SH3RF1: variants seen among roughly 807,000 people sequenced by gnomAD.
The protein encoded by SH3RF1 is SH3 domain containing ring finger 1.
In SH3RF1, 32 loss-of-function variants were observed where a neutral mutation model predicts 74.0. The ratio of observed to expected loss-of-function variants is 0.43; its 90% CI spans 0.33 to 0.58. The LOEUF is 0.58. SH3RF1 is among the 20% of genes least tolerant of loss of function. The pLI is 0.05. For missense variants in SH3RF1, 954 were observed against 1,130.9 expected (o/e 0.84, Z 2.24); for synonymous variants, 396 against 439.6 (o/e 0.90, Z 1.24).
At chr4:169,174,601 A>G (rs1734387984) in intron 2 of SH3RF1, among the ~76,000 whole-genome samples, 1 of 152,082 alleles carries the variant, frequency 6.6e-6, no homozygotes, top group Non-Finnish European at 1.5e-5. Flanking sequence ...ATCTTCTGAC[A>G]TTTGCTCTTT....
At chr4:169,222,834 AC>A (rs1314534914) in intron 2 of SH3RF1, among the ~76,000 whole-genome samples, 1 of 152,150 alleles carries the variant, frequency 6.6e-6, no homozygotes, top group Non-Finnish European at 1.5e-5. Context: ...TCCCAACGAC[AC>A]TTCCAATACA....
At chr4:169,192,729 CA>C (rs1319767751) in intron 2 of SH3RF1, among the ~76,000 whole-genome samples, 1 of 151,162 alleles carries the variant, frequency 6.6e-6, no homozygotes, top group Non-Finnish European at 1.5e-5. Context: ...AACGTGAAAC[CA>C]ACCCAAATAG....
At chr4:169,263,599 G>C (rs990772598) in intron 2 of SH3RF1, among the ~76,000 whole-genome samples, 1 of 152,064 alleles carries the variant, frequency 6.6e-6, no homozygotes, top group Non-Finnish European at 1.5e-5. Flanking sequence ...TTCTGCCAAT[G>C]CCATTCCTTG....
At chr4:169,233,487 A>G (rs1211405520) in intron 2 of SH3RF1, among the ~76,000 whole-genome samples, 1 of 152,194 alleles carries the variant, frequency 6.6e-6, no homozygotes, top group Non-Finnish European at 1.5e-5. Flanking sequence ...TGTTTATTGA[A>G]GGCTTATCAC....
rs141406554 is a variant in SH3RF1, at chr4:169,233,124, C to T, written c.393+35696G>A. ...ATCAGCCAGGCGTGGTGGCAGGCACCTCTAATTCCAGCTACTCAGGGGGCT... is the reference window on the plus strand; with the variant it reads ...ATCAGCCAGGCGTGGTGGCAGGCACTTCTAATTCCAGCTACTCAGGGGGCT... On this transcript the variant is annotated intron_variant, in intron 2 of 11. Transcript: ENST00000284637. 3.3e-5 allele frequency among the ~76,000 whole-genome samples: 5 copies of T among 152,040 alleles called. No homozygotes were observed. In the East Asian group the frequency reaches 9.7e-4, roughly 29 times the overall value.
At chr4:169,205,812 G>A (rs996147488) in intron 2 of SH3RF1, among the ~76,000 whole-genome samples, 1 of 152,142 alleles carries the variant, frequency 6.6e-6, no homozygotes, top group Non-Finnish European at 1.5e-5. Flanking sequence ...CTCAACCACA[G>A]ATATAGACAT....
At chr4:169,208,473 A>T (rs951796857) in intron 2 of SH3RF1, among the ~76,000 whole-genome samples, 1 of 152,230 alleles carries the variant, frequency 6.6e-6, no homozygotes, top group African/African-American at 2.4e-5. Context: ...TTAGTAGGAC[A>T]GACACAAATG....
intron 2 of SH3RF1, among the ~76,000 whole-genome samples, chr4:169,227,140 C>T (rs1478607844): frequency 6.6e-6 from 1 of 151,394 alleles, no homozygotes; most frequent in African/African-American, 2.4e-5. Context: ...TACTCCAGCC[C>T]GGGTGACAGA....
chr4:169,122,222 A>G lies in SH3RF1; in HGVS notation c.1224T>C (p.Thr408=), dbSNP rs559391133. ...CGCCTGGTGGTGTGGAGGCAAGGAC[A>G]GTGGCAGCCAGGAGAGGGGGTGGTG... The part of the protein sequence containing the change: ...PLPPPPLLAA[T]VLASTPPGAT... The change falls in exon 7 of 12, where the codon ACT becomes ACC. Residue 408 remains threonine, a synonymous_variant. Transcript: ENST00000284637. The G allele has an allele frequency of 3.1e-6, 5 of 1,612,040 alleles. No homozygotes were observed. In the African/African-American group the frequency reaches 4.0e-5, roughly 13 times the overall value.
chr4:169,126,924 T>C (rs957784161), intron 6 of SH3RF1, among the ~76,000 whole-genome samples: 5 of 152,228 alleles, frequency 3.3e-5, no homozygotes, highest in Admixed American at 2.0e-4. Context: ...AATCTGTTTA[T>C]AAATTGGCCA....
rs1375078440 is a variant in SH3RF1, at chr4:169,156,542, A to G, written c.531T>C (p.Asn177=). The stretch of plus-strand genomic sequence containing the variant: ...TGGTGGGGAAAAAGCCATGGATTCC[A>G]TTGACTTCCCCATGGTACCAATTTT... ...VDENWYHGEV[N]GIHGFFPTNF... Residue 177 remains asparagine (N), a synonymous_variant, in exon 3 of 12, where the codon AAT becomes AAC. Transcript: ENST00000284637. 17 of 1,614,006 alleles carry G rather than the reference A, an allele frequency of 1.1e-5. No individual in the cohort carries two copies. The highest frequency in any genetic ancestry group is 1.4e-5 in the Non-Finnish European group (17 of 1,179,998).
rs566553345 is a variant in SH3RF1 at position 169,141,905 on chromosome 4, C to T, written c.766-5285G>A. On this transcript the variant is annotated intron_variant, in intron 4 of 11. Coordinates refer to ENST00000284637, the MANE Select transcript of SH3RF1 (RefSeq NM_020870.4). The stretch of plus-strand genomic sequence containing the variant: ...TCGGCTCACTGCAAGTTCTGCCTCC[C>T]AGGTTCACGTCATTCTCCGGCCTCA... Among the ~76,000 whole-genome samples the T allele has an allele frequency of 4.6e-5, 7 of 151,906 alleles. No homozygotes were observed. In the East Asian group the frequency reaches 1.4e-3, roughly 29 times the overall value.
At chr4:169,110,508 T>C (rs1033057452) in intron 10 of SH3RF1, among the ~76,000 whole-genome samples, 1 of 152,162 alleles carries the variant, frequency 6.6e-6, no homozygotes, top group Non-Finnish European at 1.5e-5. Flanking sequence ...TGTGAACCTG[T>C]AGTCCCAGGT....
intron 10 of SH3RF1, among the ~76,000 whole-genome samples, chr4:169,113,126 CCT>C (rs1733268430): frequency 6.6e-6 from 1 of 151,940 alleles, no homozygotes; most frequent in Admixed American, 6.6e-5. Flanking sequence ...TTTTTTCCCC[CCT>C]GAGACAGAGT....
At chr4:169,262,468 A>G (rs1440806253) in intron 2 of SH3RF1, among the ~76,000 whole-genome samples, 1 of 152,092 alleles carries the variant, frequency 6.6e-6, no homozygotes, top group Non-Finnish European at 1.5e-5. Flanking sequence ...GGAGTTGGAG[A>G]CCAGCCTGGC....
At chr4:169,234,324 C>T (rs375178955) in intron 2 of SH3RF1, among the ~76,000 whole-genome samples, 12 of 152,004 alleles carry the variant, frequency 7.9e-5, no homozygotes, top group Non-Finnish European at 1.6e-4. Context: ...TCCCCACCCC[C>T]CAAAAAGAAT....
chr4:169,112,731 T>C (rs1579087737), intron 10 of SH3RF1, among the ~76,000 whole-genome samples: 2 of 152,280 alleles, frequency 1.3e-5, no homozygotes, highest in East Asian at 1.9e-4. Context: ...TCAAGAAGGC[T>C]TAAAGATCAG....
At chr4:169,242,416 C>G (rs1295026263) in intron 2 of SH3RF1, among the ~76,000 whole-genome samples, 1 of 152,152 alleles carries the variant, frequency 6.6e-6, no homozygotes, top group Non-Finnish European at 1.5e-5. Flanking sequence ...ATATTAAATT[C>G]ATATGTCCTA....
intron 10 of SH3RF1, among the ~76,000 whole-genome samples, chr4:169,108,387 T>C (rs977224489): frequency 5.3e-5 from 8 of 152,210 alleles, no homozygotes; most frequent in Non-Finnish European, 1.5e-5. Flanking sequence ...AACAACATTG[T>C]TCCATTAGAG....
Sources: gnomAD v4.1 joint callset for allele counts (sites outside exome capture counted in the v4.1 genomes callset) on GRCh38, gnomAD v4.1.1 for gene constraint, MANE v1.5 for transcripts, NCBI Gene and HGNC (gene_info 2026-07-23, HGNC 2026-07-21) for gene names.